The following PUS7L variants were observed in gnomAD, a reference collection of about 807,000 sequenced individuals.
PUS7L encodes the protein pseudouridine synthase 7 like.
Under a neutral mutation model 51.1 loss-of-function variants are expected in PUS7L, and 49 were observed. The ratio of observed to expected loss-of-function variants is 0.96; its 90% CI spans 0.76 to 1.22. PUS7L has a LOEUF of 1.22. Among genes scored for constraint, PUS7L ranks in the 50% most tolerant of loss-of-function variants. The pLI is 0.00. For missense variants in PUS7L, 828 were observed against 820.6 expected (o/e 1.01, Z -0.11); for synonymous variants, 277 against 276.2 (o/e 1.00, Z -0.03).
At chr12:43,742,176 T>C (rs1937933175) in intron 5 of PUS7L, among the ~76,000 whole-genome samples, 1 of 152,208 alleles carries the variant, frequency 6.6e-6, no homozygotes, top group African/African-American at 2.4e-5. Context: ...CAAAATTTCC[T>C]CTAAATCTTC....
At chr12:43,743,959 C>T (rs1938039979) in intron 4 of PUS7L, among the ~76,000 whole-genome samples, 2 of 152,096 alleles carry the variant, frequency 1.3e-5, no homozygotes, top group South Asian at 4.1e-4. Context: ...TGAAACAAAA[C>T]TTCAAAGACT....
rs189799390 is a variant in PUS7L at position 43,736,587 on chromosome 12, G to A, written c.1519C>T (p.Arg507Cys). 1.9e-5 allele frequency: 31 copies of A among 1,614,006 alleles called. No individual in the cohort carries two copies. In the Admixed American group the frequency reaches 2.8e-4, roughly 15 times the overall value. Reference sequence around the variant, plus strand: ...CAACCTTCCTCGGTCATGCCAAAGCGGTGCAATGCCTCCAACAATGCTCTC... The same window carrying A: ...CAACCTTCCTCGGTCATGCCAAAGCAGTGCAATGCCTCCAACAATGCTCTC... ...RERALLEALHRFGMTEEGCIQ... is the reference protein window; with the variant it reads ...RERALLEALHCFGMTEEGCIQ... Residue 507 changes from arginine (R) to cysteine (C), a missense_variant, in exon 7 of 9, where the codon CGC (arginine) becomes TGC (cysteine). Arg to Cys is a radical substitution (Grantham distance 180). Transcript: ENST00000344862.
intron 8 of PUS7L, among the ~76,000 whole-genome samples, chr12:43,731,324 A>T (rs190474665): frequency 9.1e-4 from 138 of 152,338 alleles, no homozygotes; most frequent in Non-Finnish European, 1.3e-4. Context: ...ATGCTAAGTG[A>T]AAGATGCCAG....
In PUS7L at chr12:43,754,288, A is replaced by G. The variant is rs750109542; in HGVS notation, c.910+48T>C. On this transcript the variant is annotated intron_variant, in intron 2 of 8. Transcript: ENST00000344862. ...GTTCAATTCATTTTCACAATTTTAA[A>G]TTTAGCTAAGCTTATCCAAGAAAAT... 3 of 1,285,486 alleles carry G rather than the reference A, an allele frequency of 2.3e-6. No individual in the cohort carries two copies. In the East Asian group the frequency reaches 7.0e-5, roughly 30 times the overall value. 79.6% of individuals were successfully genotyped at this position (1,285,486 alleles called of 1,614,324 possible).
In PUS7L at chr12:43,754,467, T is replaced by G. The variant is rs143247791; in HGVS notation, c.779A>C (p.Lys260Thr). ...ACTGCAATTCATTTTAGAAAAAGAT[T>G]TGGTTTCCACAAGGTTTCCAAACTT... is the stretch of plus-strand genomic sequence containing the variant. ...NKKFGNLVET[K>T]SFSKMNCSAG... The change falls in exon 2 of 9, where the codon AAA (lysine) becomes ACA (threonine). Residue 260 changes from lysine to threonine, a missense_variant. Lys to Thr is a moderately conservative substitution (Grantham distance 78). Transcript: ENST00000344862. 1.2e-6 allele frequency: 2 copies of G among 1,613,828 alleles called. No homozygotes were observed. Among genetic ancestry groups the G allele is most frequent in the African/African-American group, 1.3e-5 (1 of 74,930 alleles).
intron 2 of PUS7L, among the ~76,000 whole-genome samples, chr12:43,751,341 TC>T (rs1189990352): frequency 2.7e-5 from 3 of 109,596 alleles, no homozygotes; most frequent in African/African-American, 1.0e-4. Context: ...AGGCTATCCC[TC>T]CCCCCTCCCC....
intron 1 of PUS7L, 76 bp downstream of exon 1, chr12:43,758,654 A>AGGGG: frequency 2.2e-6 from 1 of 462,058 alleles, no homozygotes. Context: ...CAACCTCGTC[A>AGGGG]CCCCCCCCCC....
At chr12:43,740,952 G>C (rs11182240) in intron 5 of PUS7L, 30,253 of 151,988 alleles carry the variant, frequency 0.2, 4,289 homozygotes, top group African/African-American at 0.4. Flanking sequence ...CTACACATCC[G>C]GGCCAATTGT....
chr12:43,734,455 T>C (rs1336336235), intron 7 of PUS7L, among the ~76,000 whole-genome samples: 2 of 152,220 alleles, frequency 1.3e-5, no homozygotes. Context: ...TGAGGACCAA[T>C]AAATTCCCAT....
intron 8 of PUS7L, 78 bp downstream of exon 8, chr12:43,731,627 G>A: frequency 3.0e-6 from 2 of 676,742 alleles, no homozygotes; most frequent in Non-Finnish European, 5.2e-6. Context: ...AAGAGGAGGG[G>A]AACTAGTTAA....
In PUS7L at chr12:43,730,543, G is replaced by A. The variant is rs144025245; in HGVS notation, c.1939C>T (p.His647Tyr). 224 of 1,613,776 alleles carry A rather than the reference G, an allele frequency of 1.4e-4. No homozygotes were observed. The highest frequency in any genetic ancestry group is 1.8e-4 in the Non-Finnish European group (209 of 1,179,870). ...AGTTGGTATGAGAGATTACAGGGAT[G>A]TTTCAAAATCTGTCTATAGCAACCT... is the stretch of plus-strand genomic sequence containing the variant. ...IPGCYRQILK[H>Y]PCNLSYQLME... Residue 647 changes from histidine (H) to tyrosine (Y), a missense_variant, in exon 9 of 9, where the codon CAT (histidine) becomes TAT (tyrosine). By Grantham distance (83) the His-to-Tyr change is moderately conservative. Transcript: ENST00000344862.
At chr12:43,744,071 C>A (rs1938045655) in intron 4 of PUS7L, among the ~76,000 whole-genome samples, 1 of 152,098 alleles carries the variant, frequency 6.6e-6, no homozygotes, top group African/African-American at 2.4e-5. Context: ...TAATAGGCAG[C>A]TGTATGTTCA....
intron 5 of PUS7L, chr12:43,739,890 T>C (rs1040221473): frequency 2.6e-5 from 4 of 152,282 alleles, no homozygotes; most frequent in East Asian, 1.9e-4. Context: ...TCATTGGCAA[T>C]TGACAGACAA....
At chr12:43,747,020 C>T (rs1938205122) in intron 3 of PUS7L, among the ~76,000 whole-genome samples, 1 of 152,158 alleles carries the variant, frequency 6.6e-6, no homozygotes, top group South Asian at 2.1e-4. Context: ...AAATCAAACA[C>T]CTTTTTTGTC....
intron 3 of PUS7L, among the ~76,000 whole-genome samples, chr12:43,747,997 C>T (rs760677897): frequency 6.6e-6 from 1 of 152,122 alleles, no homozygotes; most frequent in Non-Finnish European, 1.5e-5. Context: ...CCATGTTGGC[C>T]AGGCTGGTCT....
At position 43,748,484 on chromosome 12, in the gene PUS7L, G is replaced by A; in HGVS notation, c.1036C>T (p.Gln346Ter). ...GTCACTTTTCTAACAACCATTGCTT[G>A]ATAGGTGATGGCTTTCTTGTCTTTA... ...GLKDKKAITY[Q>*]AMVVRKVTPE... Residue 346 changes from glutamine (Q) to a stop codon, truncating the protein, a stop_gained, in exon 3 of 9, where the codon CAA becomes TAA. Coordinates refer to ENST00000344862, the MANE Select transcript of PUS7L (RefSeq NM_031292.5). LOFTEE classifies it high-confidence loss of function. 6.2e-7 allele frequency: 1 copy of A among 1,604,692 alleles called. No homozygotes were observed. Among genetic ancestry groups the A allele is most frequent in the South Asian group, 1.1e-5 (1 of 88,214 alleles).
intron 2 of PUS7L, 113 bp downstream of exon 2, chr12:43,754,223 G>T: frequency 1.4e-6 from 1 of 695,512 alleles, no homozygotes; most frequent in East Asian, 2.7e-5. Flanking sequence ...TCTCCCTAAA[G>T]GTAAATCATA....
rs1416094312 is a variant in PUS7L, at chr12:43,727,332, T to C, written c.*3044A>G. On this transcript the variant is annotated 3_prime_UTR_variant, in exon 9 of 9. Transcript: ENST00000344862. Reference sequence around the variant, plus strand: ...CCATTTGACCCAGCAATCCCATTATTGGTTATATACCCAAAGGAATATAAA... The same window carrying C: ...CCATTTGACCCAGCAATCCCATTATCGGTTATATACCCAAAGGAATATAAA... 6.6e-6 allele frequency: 1 copy of C among 152,196 alleles called. No individual in the cohort carries two copies. Among genetic ancestry groups the C allele is most frequent in the Non-Finnish European group, 1.5e-5 (1 of 68,034 alleles). The allele number at this position is 152,196 out of a possible 1,614,324, so 9.4% of individuals were successfully genotyped here.
At position 43,729,094 on chromosome 12, in the gene PUS7L, T is replaced by C. The variant is rs1944495117; in HGVS notation, c.*1282A>G. ...AACATTTTCTCATGAAACTAAATTG[T>C]TCATTGCTTTTTTAAATAACTACAT... is the stretch of plus-strand genomic sequence containing the variant. On this transcript the variant is annotated 3_prime_UTR_variant, in exon 9 of 9. Transcript: ENST00000344862. The C allele has an allele frequency of 5.1e-6, 2 of 393,224 alleles. No homozygotes were observed. The highest frequency in any genetic ancestry group is 4.4e-5 in the Admixed American group (1 of 22,588). The allele number at this position is 393,224 out of a possible 1,614,324, so 24.4% of individuals were successfully genotyped here.
Sources: allele counts gnomAD v4.1 joint callset (sites outside exome capture counted in the v4.1 genomes callset), GRCh38; gene constraint gnomAD v4.1.1; transcripts MANE v1.5; gene names NCBI Gene and HGNC (gene_info 2026-07-23, HGNC 2026-07-21).